PDE4D: variants seen among roughly 807,000 people sequenced by gnomAD.
PDE4D encodes the protein phosphodiesterase 4D, also known as 3',5'-cyclic-AMP phosphodiesterase 4D.
PDE4D carries 24 observed loss-of-function variants against 87.4 expected under a neutral mutation model. The ratio of observed to expected loss-of-function variants is 0.27; its 90% CI spans 0.20 to 0.39. PDE4D has a LOEUF of 0.39. Among genes scored for constraint, PDE4D ranks in the 10% least tolerant of loss-of-function variants. The pLI, the probability that PDE4D is intolerant of heterozygous loss-of-function variation, is 1.00. For missense variants in PDE4D, 714 were observed against 1,041.0 expected (o/e 0.69, Z 4.32); for synonymous variants, 384 against 383.2 (o/e 1.00, Z -0.02).
intron 1 of PDE4D, among the ~76,000 whole-genome samples, chr5:60,244,240 C>CA (rs1747451980): frequency 6.6e-6 from 1 of 151,272 alleles, no homozygotes; most frequent in Non-Finnish European, 1.5e-5. Context: ...AGAAATTAAC[C>CA]AAAAAAGTGA....
intron 1 of PDE4D, among the ~76,000 whole-genome samples, chr5:60,273,214 G>A (rs1750997302): frequency 6.6e-6 from 1 of 152,058 alleles, no homozygotes; most frequent in Admixed American, 6.5e-5. Context: ...GAGAGGCAGG[G>A]TCAAGGAAGT....
intron 6 of PDE4D, among the ~76,000 whole-genome samples, chr5:59,036,796 A>G (rs935675946): frequency 6.6e-6 from 1 of 152,256 alleles, no homozygotes; most frequent in African/African-American, 2.4e-5. Context: ...TTAGTGTGAC[A>G]GCAATAATTT....
intron 1 of PDE4D, among the ~76,000 whole-genome samples, chr5:59,383,314 T>C (rs936360801): frequency 1.1e-4 from 14 of 126,512 alleles, no homozygotes; most frequent in African/African-American, 5.1e-4. Flanking sequence ...CAGCCATTCC[T>C]GGAAAAATCG....
At chr5:59,112,988 A>G (rs775759254) in intron 5 of PDE4D, among the ~76,000 whole-genome samples, 10 of 151,902 alleles carry the variant, frequency 6.6e-5, no homozygotes, top group Non-Finnish European at 1.2e-4. Flanking sequence ...TTTAGTAGCG[A>G]TGGGGTTTCT....
At position 60,115,410 on chromosome 5, in the gene PDE4D, A is replaced by G. The variant is rs540379198; in HGVS notation, c.42+70147T>C. On this transcript the variant is annotated intron_variant, in intron 2 of 16. Transcript: ENST00000502484. ...CATGAACAAAAAATTAATTGCATTT[A>G]TTATCATAATGGACTATGTAAGAAG... Among the ~76,000 whole-genome samples the G allele has an allele frequency of 2.6e-5, 4 of 152,238 alleles. No individual in the cohort carries two copies. The East Asian group carries it at 7.7e-4, about 29-fold the overall frequency.
chr5:59,538,717 T>G (rs573572985), intron 1 of PDE4D, among the ~76,000 whole-genome samples: 68 of 152,294 alleles, frequency 4.5e-4, no homozygotes, highest in African/African-American at 1.6e-3. Flanking sequence ...TCCCTTTTGT[T>G]GGAATGAAGT....
chr5:60,066,135 T>C (rs1772054703), intron 2 of PDE4D, among the ~76,000 whole-genome samples: 1 of 152,164 alleles, frequency 6.6e-6, no homozygotes, highest in African/African-American at 2.4e-5. Flanking sequence ...TTCTAACTGG[T>C]GTGAGATGGT....
rs568993922 is a variant in PDE4D, at chr5:59,320,534, T to G, written c.456-104566A>C. Among the ~76,000 whole-genome samples the G allele has an allele frequency of 3.3e-5, 5 of 152,238 alleles. No individual in the cohort carries two copies. The South Asian group carries it at 1.0e-3, about 32-fold the overall frequency. On this transcript the variant is annotated intron_variant, in intron 1 of 14. Coordinates refer to ENST00000340635, the MANE Select transcript of PDE4D (RefSeq NM_001104631.2). The stretch of plus-strand genomic sequence containing the variant: ...TTAACTTCAAAGCGTGTACTTATAT[T>G]TATACTTATTTGATGTAATTCATTA...
rs3061415 is a variant in PDE4D at position 59,098,697 on chromosome 5, CA to C, written c.809-59727del. 8.0e-3 allele frequency among the ~76,000 whole-genome samples: 537 copies of C among 66,986 alleles called. 6 individuals carry two copies. Among genetic ancestry groups the C allele is most frequent in the Admixed American group, 0.03 (161 of 5,294 alleles). 43.9% of individuals were successfully genotyped at this position (66,986 alleles called of 152,430 possible). On this transcript the variant is annotated intron_variant, in intron 5 of 14. Transcript: ENST00000340635. ...CCAGCCTGGGTGACAGAGAAAGACT[CA>C]AAAAAAAAAAAAAAAAAAAGAGGAA...
chr5:60,402,289 C>T (rs1459863307), intron 1 of PDE4D, among the ~76,000 whole-genome samples: 3 of 151,802 alleles, frequency 2.0e-5, no homozygotes, highest in Non-Finnish European at 4.4e-5. Flanking sequence ...CGAATTTTGG[C>T]ATCCAAAAAT....
At chr5:59,933,517 T>C (rs1000099321) in intron 3 of PDE4D, among the ~76,000 whole-genome samples, 2 of 152,218 alleles carry the variant, frequency 1.3e-5, no homozygotes, top group South Asian at 2.1e-4. Context: ...GCTCCTACTA[T>C]GTGCCAAGAC....
intron 2 of PDE4D, among the ~76,000 whole-genome samples, chr5:60,098,646 AATTT>A (rs1775937245): frequency 6.6e-6 from 1 of 151,986 alleles, no homozygotes; most frequent in South Asian, 2.1e-4. Context: ...AACGTTGCTG[AATTT>A]ATTAATTTTA....
intron 5 of PDE4D, among the ~76,000 whole-genome samples, chr5:59,132,147 T>C (rs1776376543): frequency 6.6e-6 from 1 of 152,230 alleles, no homozygotes; most frequent in East Asian, 1.9e-4. Context: ...GTAAAAAGTT[T>C]AATAATATAC....
chr5:60,476,008 A>C (rs1030492522), intron 1 of PDE4D, among the ~76,000 whole-genome samples: 1 of 152,106 alleles, frequency 6.6e-6, no homozygotes, highest in Non-Finnish European at 1.5e-5. Context: ...TCAGGACTCA[A>C]TCTAACAAAT....
intron 1 of PDE4D, among the ~76,000 whole-genome samples, chr5:59,765,700 G>A (rs1762704062): frequency 6.6e-6 from 1 of 152,196 alleles, no homozygotes; most frequent in Admixed American, 6.5e-5. Flanking sequence ...ACCACAGGAT[G>A]GTAGAATTCC....
chr5:59,021,349 T>C (rs1163848090), intron 6 of PDE4D, among the ~76,000 whole-genome samples: 1 of 152,212 alleles, frequency 6.6e-6, no homozygotes, highest in Non-Finnish European at 1.5e-5. Context: ...CCATCACATA[T>C]GCAAGCTGGT....
At chr5:59,451,917 C>A (rs1799220157) in intron 1 of PDE4D, among the ~76,000 whole-genome samples, 2 of 151,944 alleles carry the variant, frequency 1.3e-5, no homozygotes, top group Non-Finnish European at 2.9e-5. Flanking sequence ...CAGTTGTCTA[C>A]ATCTTTAGTT....
At chr5:60,373,277 G>A (rs1761177304) in intron 1 of PDE4D, among the ~76,000 whole-genome samples, 1 of 152,152 alleles carries the variant, frequency 6.6e-6, no homozygotes, top group Non-Finnish European at 1.5e-5. Context: ...ACTAGATCTA[G>A]CAAAAGTGGT....
intron 1 of PDE4D, among the ~76,000 whole-genome samples, chr5:60,193,109 ACTTACCT>A (rs1449245045): frequency 6.6e-6 from 1 of 151,894 alleles, no homozygotes; most frequent in Non-Finnish European, 1.5e-5. Flanking sequence ...GTGTCAATTA[ACTTACCT>A]CTTTCTTTCA....
Sources: allele counts gnomAD v4.1 joint callset (sites outside exome capture counted in the v4.1 genomes callset), GRCh38; gene constraint gnomAD v4.1.1; transcripts MANE v1.5; gene names NCBI Gene and HGNC (gene_info 2026-07-23, HGNC 2026-07-21).